TXNRD2: variants seen among roughly 807,000 people sequenced by gnomAD.
TXNRD2 encodes the protein thioredoxin reductase 2, also known as thioredoxin reductase 2, mitochondrial.
TXNRD2 carries 67 observed loss-of-function variants against 70.8 expected under a neutral mutation model. That is an observed-to-expected ratio of 0.95 (90% CI 0.78 to 1.16). The LOEUF (loss-of-function observed/expected upper bound fraction) is 1.16, where lower values mean the gene tolerates loss of function less well. TXNRD2 is among the 50% of genes most tolerant of loss of function. The pLI is 0.00. For synonymous variants in TXNRD2, 301 were observed against 295.8 expected, an observed-to-expected ratio of 1.02 and a Z score of -0.18; for missense variants, 644 against 719.9, an observed-to-expected ratio of 0.89 and a Z score of 1.21.
chr22:19,941,051 G>A (rs552024017), intron 1 of TXNRD2, among the ~76,000 whole-genome samples: 24 of 152,308 alleles, frequency 1.6e-4, no homozygotes, highest in African/African-American at 5.5e-4. Context: ...CATCCAGGGG[G>A]CTGGGTCGAG....
intron 10 of TXNRD2, among the ~76,000 whole-genome samples, chr22:19,896,032 T>C (rs150468414): frequency 1.7e-4 from 26 of 149,070 alleles, no homozygotes; most frequent in African/African-American, 6.2e-4. Context: ...GTGCGATGGC[T>C]CACACCTGTG....
intron 11 of TXNRD2, among the ~76,000 whole-genome samples, chr22:19,888,767 G>A (rs1331971006): frequency 3.3e-5 from 5 of 152,226 alleles, no homozygotes; most frequent in Admixed American, 6.5e-5. Flanking sequence ...CCACCCTCAC[G>A]GGGCCTGGCC....
At chr22:19,905,621 G>A (rs1939975760) in intron 8 of TXNRD2, among the ~76,000 whole-genome samples, 2 of 152,116 alleles carry the variant, frequency 1.3e-5, no homozygotes, top group African/African-American at 4.8e-5. Flanking sequence ...TACATCGAGG[G>A]GCCCAGCAGA....
chr22:19,882,547 T>A (rs562852273), intron 12 of TXNRD2, among the ~76,000 whole-genome samples: 147 of 152,256 alleles, frequency 9.7e-4, no homozygotes, highest in Non-Finnish European at 1.8e-3. Context: ...CGTGAGATAA[T>A]CCATGTCTGT....
At chr22:19,894,969 CAAAAA>C (rs35599379) in intron 11 of TXNRD2, 124 of 1,272,502 alleles carry the variant, frequency 9.7e-5, no homozygotes, top group Admixed American at 3.5e-4. Flanking sequence ...GACTCCATCT[CAAAAA>C]AAAAAAAAAA....
chr22:19,895,147 G>A, intron 11 of TXNRD2: 9 of 1,598,446 alleles, frequency 5.6e-6, no homozygotes, highest in Non-Finnish European at 7.6e-6. Context: ...TCTCTTCTCT[G>A]GTTTTTTCCA....
At chr22:19,897,183 C>T (rs1939547239) in intron 10 of TXNRD2, among the ~76,000 whole-genome samples, 1 of 152,118 alleles carries the variant, frequency 6.6e-6, no homozygotes, top group Admixed American at 6.5e-5. Flanking sequence ...CATGGCCACA[C>T]GGGTGGAGGG....
chr22:19,936,669 C>T (rs1216225912), intron 1 of TXNRD2, among the ~76,000 whole-genome samples: 5 of 152,320 alleles, frequency 3.3e-5, no homozygotes, highest in African/African-American at 1.2e-4. Context: ...ACACCCCTGC[C>T]ACTCTGGTTG....
chr22:19,916,095 C>T, intron 5 of TXNRD2: 1 of 478,246 alleles, frequency 2.1e-6, no homozygotes, highest in Non-Finnish European at 3.8e-6. Context: ...GAAGCCAGCT[C>T]AGCACGGTCC....
chr22:19,933,564 G>A, intron 1 of TXNRD2: 1 of 1,252,060 alleles, frequency 8.0e-7, no homozygotes, highest in East Asian at 5.7e-5. Flanking sequence ...GTATGGATGT[G>A]CTTATCTTGG....
chr22:19,903,012 A>G (rs538901073), intron 8 of TXNRD2: 6 of 518,788 alleles, frequency 1.2e-5, no homozygotes, highest in African/African-American at 1.2e-4. Flanking sequence ...AAACCAGCCC[A>G]AGTTATAAAA....
chr22:19,897,836 G>A (rs1939578903), intron 10 of TXNRD2, among the ~76,000 whole-genome samples: 1 of 152,238 alleles, frequency 6.6e-6, no homozygotes, highest in African/African-American at 2.4e-5. Context: ...CTGTGCAGCT[G>A]TGCGCCCCAC....
chr22:19,934,392 A>AAAAAAAAAAAC (rs1555915969), intron 1 of TXNRD2, among the ~76,000 whole-genome samples: 6 of 151,108 alleles, frequency 4.0e-5, no homozygotes, highest in African/African-American at 1.5e-4. Context: ...GAAAAAAAAA[A>AAAAAAAAAAAC]AAAAAAAAAC....
At chr22:19,933,467 A>G in intron 1 of TXNRD2, 1 of 1,289,716 alleles carries the variant, frequency 7.8e-7, no homozygotes, top group Non-Finnish European at 1.0e-6. Flanking sequence ...TCTTGTTGCC[A>G]TAGCAGGGCC....
chr22:19,902,973 C>G, intron 8 of TXNRD2: 1 of 518,782 alleles, frequency 1.9e-6, no homozygotes, highest in Non-Finnish European at 3.8e-6. Flanking sequence ...AATAAAAGCT[C>G]TTTCCATGAC....
intron 4 of TXNRD2, 107 bp from the exon 5 acceptor site, chr22:19,918,324 A>T: frequency 9.4e-7 from 1 of 1,066,950 alleles, no homozygotes; most frequent in Non-Finnish European, 1.4e-6. Context: ...AATATCAAAA[A>T]ACAAGAGTGC....
At chr22:19,906,157 G>A (rs1284484371) in intron 8 of TXNRD2, among the ~76,000 whole-genome samples, 3 of 152,116 alleles carry the variant, frequency 2.0e-5, no homozygotes, top group Non-Finnish European at 1.5e-5. Flanking sequence ...AAAGCCAGAC[G>A]TGAAAGTGGA....
chr22:19,911,530 A>T, intron 7 of TXNRD2, 83 bp from the exon 8 acceptor site: 1 of 1,028,820 alleles, frequency 9.7e-7, no homozygotes, highest in Non-Finnish European at 1.5e-6. Context: ...CCAGCTTTGC[A>T]GAATCAAGCA....
intron 1 of TXNRD2, among the ~76,000 whole-genome samples, chr22:19,940,138 G>C (rs1409414808): frequency 6.6e-6 from 1 of 151,298 alleles, no homozygotes; most frequent in Non-Finnish European, 1.5e-5. Flanking sequence ...CCAGCTACTC[G>C]GGAGGCTGAG....
Sources: allele counts gnomAD v4.1 joint callset (sites outside exome capture counted in the v4.1 genomes callset), GRCh38; gene constraint gnomAD v4.1.1; transcripts MANE v1.5; gene names NCBI Gene and HGNC (gene_info 2026-07-23, HGNC 2026-07-21).